SH3RF3: variants seen among roughly 807,000 people sequenced by gnomAD.
SH3RF3 encodes E3 ubiquitin-protein ligase SH3RF3.
In SH3RF3, 29 loss-of-function variants were observed where a neutral mutation model predicts 66.3. That is an observed-to-expected ratio of 0.44 (90% CI 0.33 to 0.60). The LOEUF (loss-of-function observed/expected upper bound fraction) is 0.60. Ranked by LOEUF, SH3RF3 falls within the 20% of genes least tolerant of loss-of-function variation. The pLI, the probability that SH3RF3 is intolerant of heterozygous loss-of-function variation, is 0.04. For missense variants in SH3RF3, 1,194 were observed against 1,190.9 expected, an observed-to-expected ratio of 1.00 and a Z score of -0.04; for synonymous variants, 583 against 532.0, an observed-to-expected ratio of 1.10 and a Z score of -1.32.
At chr2:109,142,840 G>A (rs184886292) in intron 1 of SH3RF3, among the ~76,000 whole-genome samples, 59 of 152,270 alleles carry the variant, frequency 3.9e-4, no homozygotes, top group Admixed American at 2.0e-3. Flanking sequence ...ATTGTGGGAC[G>A]TTTTCACTCT....
intron 9 of SH3RF3, among the ~76,000 whole-genome samples, chr2:109,494,080 A>G (rs890724151): frequency 2.0e-5 from 3 of 152,148 alleles, no homozygotes; most frequent in Non-Finnish European, 4.4e-5. Flanking sequence ...GGATAGTTCA[A>G]AGCTGTTCTC....
intron 1 of SH3RF3, among the ~76,000 whole-genome samples, chr2:109,242,083 C>G (rs559902843): frequency 6.6e-6 from 1 of 151,954 alleles, no homozygotes; most frequent in African/African-American, 2.4e-5. Context: ...TCATAGGTAG[C>G]CTGCCACACA....
intron 2 of SH3RF3, among the ~76,000 whole-genome samples, chr2:109,350,038 C>T (rs371754284): frequency 3.9e-4 from 60 of 152,326 alleles, no homozygotes; most frequent in African/African-American, 1.4e-3. Flanking sequence ...CAGAGGCTCA[C>T]GAGCTGCATC....
chr2:109,136,834 T>C (rs568453511), intron 1 of SH3RF3, among the ~76,000 whole-genome samples: 2 of 152,280 alleles, frequency 1.3e-5, no homozygotes, highest in South Asian at 2.1e-4. Context: ...TTTAGAAGCA[T>C]GCTTGCACCG....
chr2:109,335,174 C>T (rs925163198), intron 1 of SH3RF3, among the ~76,000 whole-genome samples: 6 of 152,236 alleles, frequency 3.9e-5, no homozygotes, highest in Non-Finnish European at 2.9e-5. Context: ...GTTACCTGTT[C>T]CTTGCGCCTG....
intron 8 of SH3RF3, among the ~76,000 whole-genome samples, chr2:109,466,078 T>G (rs979539631): frequency 1.9e-4 from 25 of 130,876 alleles, no homozygotes; most frequent in Admixed American, 1.1e-3. Context: ...ACATCTTTTT[T>G]TTTTTTTTTT....
chr2:109,230,693 G>C (rs527610272), intron 1 of SH3RF3, among the ~76,000 whole-genome samples: 1 of 152,136 alleles, frequency 6.6e-6, no homozygotes, highest in Non-Finnish European at 1.5e-5. Context: ...CGTAAGTCGG[G>C]GATCATCAGC....
intron 1 of SH3RF3, among the ~76,000 whole-genome samples, chr2:109,192,471 T>A (rs1457993453): frequency 6.6e-6 from 1 of 152,258 alleles, no homozygotes; most frequent in African/African-American, 2.4e-5. Flanking sequence ...AAATTTAATT[T>A]GTATTAGCCT....
rs1679409649 is a variant in SH3RF3, at chr2:109,502,224, CCT to C, written c.*554_*555del. 1 of 152,266 alleles carries C rather than the reference CCT, an allele frequency of 6.6e-6. No individual in the cohort carries two copies. The allele number at this position is 152,266 out of a possible 1,614,324, so 9.4% of individuals were successfully genotyped here. A position where few individuals can be genotyped will look rare whatever the true frequency, so the allele number is the denominator to read the frequency against. On this transcript the variant is annotated 3_prime_UTR_variant, in exon 10 of 10. Transcript: ENST00000309415. Reference sequence around the variant, plus strand: ...GCCCCGGAAGGGGCACCCCACCGCCCCTGTTGGGAACCAGAGCAGAATCTGTG... The same window carrying C: ...GCCCCGGAAGGGGCACCCCACCGCCCGTTGGGAACCAGAGCAGAATCTGTG...
intron 1 of SH3RF3, among the ~76,000 whole-genome samples, chr2:109,302,979 C>T (rs1408640114): frequency 2.6e-5 from 4 of 152,204 alleles, no homozygotes; most frequent in East Asian, 3.9e-4. Flanking sequence ...CAGGTTCAAG[C>T]GATTCTCCTG....
intron 4 of SH3RF3, among the ~76,000 whole-genome samples, chr2:109,406,534 C>A (rs1369786081): frequency 6.6e-6 from 1 of 152,166 alleles, no homozygotes; most frequent in East Asian, 1.9e-4. Flanking sequence ...ACCATCCTCA[C>A]CTGGGACACC....
chr2:109,331,752 GC>G (rs1682291393), intron 1 of SH3RF3, among the ~76,000 whole-genome samples: 1 of 152,164 alleles, frequency 6.6e-6, no homozygotes, highest in Admixed American at 6.5e-5. Flanking sequence ...ATATTAGGTG[GC>G]CAATAAGTAC....
chr2:109,367,201 T>C (rs1181690977), intron 2 of SH3RF3, among the ~76,000 whole-genome samples: 1 of 150,828 alleles, frequency 6.6e-6, no homozygotes, highest in Admixed American at 6.7e-5. Flanking sequence ...TGGCCTCAAG[T>C]GATCTGCCTA....
chr2:109,189,482 C>T (rs2105016278), intron 1 of SH3RF3, among the ~76,000 whole-genome samples: 1 of 151,528 alleles, frequency 6.6e-6, no homozygotes, highest in African/African-American at 2.4e-5. Context: ...AATTCTTTTG[C>T]CTCAACCTCC....
At chr2:109,228,223 C>T (rs1355047408) in intron 1 of SH3RF3, among the ~76,000 whole-genome samples, 1 of 152,130 alleles carries the variant, frequency 6.6e-6, no homozygotes, top group Non-Finnish European at 1.5e-5. Context: ...CCTCCTAGTC[C>T]CCAGGAATGT....
chr2:109,454,974 T>A (rs1484731905), intron 8 of SH3RF3, among the ~76,000 whole-genome samples: 2 of 152,130 alleles, frequency 1.3e-5, no homozygotes, highest in Non-Finnish European at 2.9e-5. Context: ...TTAGTTTCAG[T>A]GAGTAATAGA....
At chr2:109,206,655 A>T (rs181211676) in intron 1 of SH3RF3, among the ~76,000 whole-genome samples, 1,795 of 151,996 alleles carry the variant, frequency 0.012, 23 homozygotes, top group Non-Finnish European at 0.014. Context: ...CAAAAAAAAA[A>T]TTTTTTTTAA....
At chr2:109,455,297 C>T (rs1252588231) in intron 8 of SH3RF3, among the ~76,000 whole-genome samples, 1 of 152,134 alleles carries the variant, frequency 6.6e-6, no homozygotes, top group Non-Finnish European at 1.5e-5. Context: ...CTTCTGGGTC[C>T]ACATTGGACC....
rs188618945 is a variant in SH3RF3 at position 109,400,437 on chromosome 2, T to C, written c.1299+1494T>C. ...ACACCTGTGCACATATGTGCACTTA[T>C]ATGCACCCCTTCCACATGCACACAC... On this transcript the variant is annotated intron_variant, in intron 4 of 9. Coordinates refer to ENST00000309415, the MANE Select transcript of SH3RF3 (RefSeq NM_001099289.3). Among the ~76,000 whole-genome samples, 4 of 152,126 alleles carry C rather than the reference T, an allele frequency of 2.6e-5. No homozygotes were observed. In the East Asian group the frequency reaches 7.8e-4, roughly 30 times the overall value.
Sources: allele counts gnomAD v4.1 joint callset (sites outside exome capture counted in the v4.1 genomes callset), GRCh38; gene constraint gnomAD v4.1.1; transcripts MANE v1.5; gene names NCBI Gene and HGNC (gene_info 2026-07-23, HGNC 2026-07-21).